PTPRT: variants seen among roughly 807,000 people sequenced by gnomAD.
The protein encoded by PTPRT is receptor-type tyrosine-protein phosphatase T.
A neutral mutation model predicts 176.8 loss-of-function variants in PTPRT; 56 were observed. The ratio of observed to expected loss-of-function variants is 0.32; its 90% CI spans 0.26 to 0.40. The LOEUF (loss-of-function observed/expected upper bound fraction) is 0.40. Ranked by LOEUF, PTPRT falls within the 10% of genes least tolerant of loss-of-function variation. The pLI is 1.00. For missense variants in PTPRT, 1,540 were observed against 1,908.2 expected (o/e 0.81, Z 3.60); for synonymous variants, 783 against 739.0 (o/e 1.06, Z -0.96).
intron 9 of PTPRT, among the ~76,000 whole-genome samples, chr20:42,377,739 G>T (rs557171066): frequency 2.0e-5 from 3 of 152,172 alleles, no homozygotes; most frequent in Non-Finnish European, 4.4e-5. Flanking sequence ...ATTTCCTAGC[G>T]CTGAGCCTCA....
intron 7 of PTPRT, among the ~76,000 whole-genome samples, chr20:42,498,106 T>A (rs577244007): frequency 6.6e-6 from 1 of 152,164 alleles, no homozygotes; most frequent in Non-Finnish European, 1.5e-5. Context: ...CCAAACATGA[T>A]GAAAAATACA....
At chr20:42,539,848 T>C (rs2072547206) in intron 7 of PTPRT, among the ~76,000 whole-genome samples, 1 of 151,868 alleles carries the variant, frequency 6.6e-6, no homozygotes, top group Non-Finnish European at 1.5e-5. Context: ...GGAAATCTCT[T>C]GAAAGGCAGA....
intron 1 of PTPRT, among the ~76,000 whole-genome samples, chr20:42,919,801 T>C (rs185325691): frequency 1.3e-5 from 2 of 152,376 alleles, no homozygotes; most frequent in East Asian, 3.9e-4. Context: ...ATGTTCCTTT[T>C]GTTCATTCTT....
intron 12 of PTPRT, among the ~76,000 whole-genome samples, chr20:42,304,545 A>C (rs930119274): frequency 4.6e-5 from 7 of 152,156 alleles, no homozygotes; most frequent in African/African-American, 1.7e-4. Context: ...CACTTGCCTA[A>C]GGTCATGTAG....
intron 1 of PTPRT, among the ~76,000 whole-genome samples, chr20:42,976,264 A>ACATCATCAGGAAAGAC (rs1305600430): frequency 6.6e-6 from 1 of 152,192 alleles, no homozygotes; most frequent in African/African-American, 2.4e-5. Context: ...AAAGACCTGC[A>ACATCATCAGGAAAGAC]CTGGGCCTCC....
At chr20:42,067,389 C>G in the PTPRT span, among the ~76,000 whole-genome samples, 1 of 152,168 alleles carries the variant, frequency 6.6e-6, no homozygotes, top group Non-Finnish European at 1.5e-5. Context: ...CATGGTTTGT[C>G]AGGAGCCATG....
chr20:42,467,650 CACTTT>C (rs1207051627), intron 8 of PTPRT, among the ~76,000 whole-genome samples: 1 of 152,080 alleles, frequency 6.6e-6, no homozygotes, highest in Non-Finnish European at 1.5e-5. Flanking sequence ...ATGATTTCTG[CACTTT>C]ACTTTCAAAT....
chr20:43,031,489 T>C (rs1473943405), intron 1 of PTPRT, among the ~76,000 whole-genome samples: 1 of 152,188 alleles, frequency 6.6e-6, no homozygotes, highest in African/African-American at 2.4e-5. Flanking sequence ...TACAATTGCA[T>C]TGCTTAAAAA....
At chr20:42,116,046 G>A in intron 21 of PTPRT, 2 of 724,396 alleles carry the variant, frequency 2.8e-6, no homozygotes, top group South Asian at 2.9e-5. Context: ...TACCATTCCG[G>A]GGGACGCCGC....
At chr20:42,728,444 C>T (rs987324753) in intron 6 of PTPRT, among the ~76,000 whole-genome samples, 1 of 152,142 alleles carries the variant, frequency 6.6e-6, no homozygotes, top group Non-Finnish European at 1.5e-5. Context: ...TTGCCATAGG[C>T]TAAATGATCC....
intron 6 of PTPRT, among the ~76,000 whole-genome samples, chr20:42,706,419 T>G (rs2146183202): frequency 6.6e-6 from 1 of 152,214 alleles, no homozygotes; most frequent in African/African-American, 2.4e-5. Context: ...TATTTTTTTT[T>G]GCTGGGCCTT....
chr20:43,185,413 G>A lies in PTPRT; in HGVS notation c.88+4233C>T, dbSNP rs564835186. ...CAAGGAAGGCTGCACACGGGAGAGT[G>A]TAGGAAGGGAAACAGAATGCATCCA... is the stretch of plus-strand genomic sequence containing the variant. On this transcript the variant is annotated intron_variant, in intron 1 of 30. Coordinates refer to ENST00000373187, the MANE Select transcript of PTPRT (RefSeq NM_007050.6). Among the ~76,000 whole-genome samples the A allele has an allele frequency of 1.7e-3, 252 of 152,316 alleles. 1 individual carries two copies. Among genetic ancestry groups the A allele is most frequent in the African/African-American group, 5.8e-3 (240 of 41,578 alleles).
intron 21 of PTPRT, among the ~76,000 whole-genome samples, 164 bp downstream of exon 21, chr20:42,118,239 G>C (rs1241079677): frequency 6.6e-6 from 1 of 152,200 alleles, no homozygotes; most frequent in Non-Finnish European, 1.5e-5. Context: ...TGAAGGGAAA[G>C]GACATTGCTT....
At chr20:42,756,789 C>A (rs1327156911) in intron 5 of PTPRT, among the ~76,000 whole-genome samples, 153 bp from the exon 6 acceptor site, 1 of 152,130 alleles carries the variant, frequency 6.6e-6, no homozygotes, top group Non-Finnish European at 1.5e-5. Flanking sequence ...GTGGCTCATG[C>A]CTGTAATCCC....
chr20:42,415,417 G>A (rs906382057), intron 9 of PTPRT, among the ~76,000 whole-genome samples: 3 of 151,958 alleles, frequency 2.0e-5, no homozygotes, highest in African/African-American at 7.3e-5. Context: ...TCACTACACT[G>A]CCCAGGCTGC....
rs1284862664 is a variant in PTPRT, at chr20:42,355,575, A to G, written c.1561-3290T>C. Among the ~76,000 whole-genome samples, 3 of 152,200 alleles carry G rather than the reference A, an allele frequency of 2.0e-5. No homozygotes were observed. The East Asian group carries it at 5.8e-4, about 29-fold the overall frequency. On this transcript the variant is annotated intron_variant, in intron 9 of 30. Coordinates refer to ENST00000373187, the MANE Select transcript of PTPRT (RefSeq NM_007050.6). ...GATGGGAAAAGGTTTGGACAGAGCA[A>G]AGCCCAGAGCCACTGCAGAGCAGTG...
In PTPRT at chr20:42,677,849, A is replaced by G. The variant is rs2075533930; in HGVS notation, c.1153+17T>C. On this transcript the variant is annotated intron_variant, in intron 7 of 30. Coordinates refer to ENST00000373187, the MANE Select transcript of PTPRT (RefSeq NM_007050.6). The stretch of plus-strand genomic sequence containing the variant: ...ACAGCCTCTCATAATGGAGCCTGGG[A>G]AAAAAAAAAATCTTACCTGCACACT... 1 of 1,335,748 alleles carries G rather than the reference A, an allele frequency of 7.5e-7. No homozygotes were observed. The highest frequency in any genetic ancestry group is 9.9e-7 in the Non-Finnish European group (1 of 1,008,650). 82.7% of individuals were successfully genotyped at this position (1,335,748 alleles called of 1,614,324 possible).
At chr20:42,095,749 AT>A (rs897811382) in intron 27 of PTPRT, among the ~76,000 whole-genome samples, 86 of 151,784 alleles carry the variant, frequency 5.7e-4, no homozygotes, top group Non-Finnish European at 9.4e-4. Flanking sequence ...AGAGATGGCA[AT>A]TTTTTTTTAT....
intron 15 of PTPRT, among the ~76,000 whole-genome samples, chr20:42,210,294 C>A (rs1338197861): frequency 6.6e-6 from 1 of 152,064 alleles, no homozygotes; most frequent in East Asian, 1.9e-4. Context: ...GAAGTTCTGG[C>A]CAGGGCAATG....
Sources: gnomAD v4.1 joint callset for allele counts (sites outside exome capture counted in the v4.1 genomes callset) on GRCh38, gnomAD v4.1.1 for gene constraint, MANE v1.5 for transcripts, NCBI Gene and HGNC (gene_info 2026-07-23, HGNC 2026-07-21) for gene names.